The following NTRK3 variants were observed in gnomAD, a reference collection of about 807,000 sequenced individuals.
NTRK3 encodes the protein neurotrophic receptor tyrosine kinase 3, also known as NT-3 growth factor receptor.
Under a neutral mutation model 91.7 loss-of-function variants are expected in NTRK3, and 24 were observed. That is an observed-to-expected ratio of 0.26 (90% CI 0.19 to 0.37). NTRK3 has a LOEUF of 0.37. NTRK3 is among the 10% of genes least tolerant of loss of function. The pLI is 1.00. For synonymous variants in NTRK3, 483 were observed against 404.0 expected, an observed-to-expected ratio of 1.20 and a Z score of -2.34; for missense variants, 880 against 1,068.9, an observed-to-expected ratio of 0.82 and a Z score of 2.46.
chr15:87,943,191 CTT>C (rs2070077364), intron 14 of NTRK3, among the ~76,000 whole-genome samples: 2 of 152,284 alleles, frequency 1.3e-5, no homozygotes, highest in Admixed American at 6.5e-5. Context: ...AGGAACCACA[CTT>C]TGAGAATCAC....
exon 19 of NTRK3, chr15:87,869,232 C>G (rs939944343): frequency 2.2e-5 from 5 of 229,836 alleles, no homozygotes; most frequent in African/African-American, 1.1e-4. Context: ...GGCTCCTCTG[C>G]TCCTGGAGGC....
intron 14 of NTRK3, among the ~76,000 whole-genome samples, chr15:88,003,702 A>T (rs1386840435): frequency 6.6e-6 from 1 of 152,194 alleles, no homozygotes; most frequent in Non-Finnish European, 1.5e-5. Context: ...ACTCATTGCT[A>T]AGCCAATATA....
At chr15:87,950,929 C>T (rs2071047665) in intron 14 of NTRK3, among the ~76,000 whole-genome samples, 1 of 152,182 alleles carries the variant, frequency 6.6e-6, no homozygotes, top group South Asian at 2.1e-4. Flanking sequence ...ACAGTAGGTG[C>T]TCAATAGGCC....
intron 3 of NTRK3, among the ~76,000 whole-genome samples, chr15:88,194,175 A>G (rs923036753): frequency 1.3e-5 from 2 of 151,704 alleles, no homozygotes; most frequent in African/African-American, 4.8e-5. Flanking sequence ...GTTTCTTTCT[A>G]CTCTCTGGAT....
In NTRK3 at chr15:88,230,560, T is replaced by C. The variant is rs2051094601; in HGVS notation, c.248+25346A>G. 2.6e-5 allele frequency among the ~76,000 whole-genome samples: 4 copies of C among 152,320 alleles called. No homozygotes were observed. In the South Asian group the frequency reaches 8.3e-4, roughly 32 times the overall value. On this transcript the variant is annotated intron_variant, in intron 3 of 18. Transcript: ENST00000394480. Reference sequence around the variant, plus strand: ...AGTAAAAAGTTATTTTGAAAAGCCATCAATTTTAATTTTAATCATTTTAAT... The same window carrying C: ...AGTAAAAAGTTATTTTGAAAAGCCACCAATTTTAATTTTAATCATTTTAAT...
intron 17 of NTRK3, chr15:87,908,554 A>G (rs2066906057): frequency 5.0e-6 from 2 of 399,286 alleles, no homozygotes; most frequent in Admixed American, 4.4e-5. Context: ...CCCTTCTGGC[A>G]TGGCCCTTCC....
chr15:88,119,320 T>C (rs2052447018), intron 13 of NTRK3, among the ~76,000 whole-genome samples: 1 of 152,188 alleles, frequency 6.6e-6, no homozygotes, highest in African/African-American at 2.4e-5. Context: ...AGCCTCCCAT[T>C]GAAGTTCAAA....
At chr15:88,170,629 CTCTT>C (rs1342032270) in intron 5 of NTRK3, among the ~76,000 whole-genome samples, 4 of 152,212 alleles carry the variant, frequency 2.6e-5, no homozygotes, top group Admixed American at 6.5e-5. Context: ...CAGGTCTGCA[CTCTT>C]TCTATGTTCC....
At chr15:88,119,263 T>A (rs1323539885) in intron 13 of NTRK3, among the ~76,000 whole-genome samples, 1 of 152,194 alleles carries the variant, frequency 6.6e-6, no homozygotes, top group African/African-American at 2.4e-5. Flanking sequence ...AAGCACCACA[T>A]TCTAGAACTC....
chr15:88,232,834 G>A (rs1479890794), intron 3 of NTRK3, among the ~76,000 whole-genome samples: 2 of 152,098 alleles, frequency 1.3e-5, no homozygotes, highest in South Asian at 4.1e-4. Flanking sequence ...GGAGAAGCTG[G>A]GATCATTCAA....
chr15:88,008,228 T>A (rs1324859939), intron 14 of NTRK3, among the ~76,000 whole-genome samples: 1 of 152,070 alleles, frequency 6.6e-6, no homozygotes, highest in African/African-American at 2.4e-5. Context: ...AGAAGTTCCA[T>A]GTGTTCAATG....
intron 5 of NTRK3, among the ~76,000 whole-genome samples, chr15:88,156,256 A>G (rs1367017174): frequency 5.9e-5 from 9 of 152,154 alleles, no homozygotes; most frequent in Admixed American, 1.3e-4. Flanking sequence ...AGGAAGGAAA[A>G]GAGAGGTGAG....
intron 14 of NTRK3, among the ~76,000 whole-genome samples, chr15:88,013,374 A>G (rs2077016467): frequency 6.6e-6 from 1 of 152,246 alleles, no homozygotes. Context: ...GACCATCGCC[A>G]GTGTTGGTGG....
At chr15:88,097,941 A>G (rs2049790262) in intron 13 of NTRK3, among the ~76,000 whole-genome samples, 1 of 152,240 alleles carries the variant, frequency 6.6e-6, no homozygotes, top group African/African-American at 2.4e-5. Flanking sequence ...TACTTCGGTA[A>G]CAGAGAACCA....
intron 17 of NTRK3, among the ~76,000 whole-genome samples, chr15:87,890,399 T>C (rs2065793176): frequency 6.6e-6 from 1 of 152,184 alleles, no homozygotes; most frequent in Non-Finnish European, 1.5e-5. Flanking sequence ...AAAAGTTCCT[T>C]TCATCAGCTA....
intron 13 of NTRK3, among the ~76,000 whole-genome samples, chr15:88,090,431 G>A (rs1308234004): frequency 6.8e-6 from 1 of 147,102 alleles, no homozygotes; most frequent in Non-Finnish European, 1.5e-5. Flanking sequence ...AGAAAGGACA[G>A]CGTGCCCTAG....
intron 13 of NTRK3, among the ~76,000 whole-genome samples, chr15:88,043,102 C>G (rs113134593): frequency 4.5e-4 from 68 of 152,298 alleles, no homozygotes; most frequent in African/African-American, 1.6e-3. Flanking sequence ...ATGTAGCTGT[C>G]AGGGGCAACC....
exon 19 of NTRK3, chr15:87,860,370 G>A (rs1052650087): frequency 1.8e-5 from 4 of 219,964 alleles, no homozygotes; most frequent in Admixed American, 5.8e-5. Context: ...TGGGGAGAAA[G>A]GAAGGGTGAG....
intron 5 of NTRK3, among the ~76,000 whole-genome samples, chr15:88,163,698 T>TC (rs2044674226): frequency 6.6e-6 from 1 of 152,196 alleles, no homozygotes; most frequent in Non-Finnish European, 1.5e-5. Context: ...GGACCTTCAT[T>TC]CTTTTTGAGA....
Sources: allele counts gnomAD v4.1 joint callset (sites outside exome capture counted in the v4.1 genomes callset), GRCh38; gene constraint gnomAD v4.1.1; transcripts MANE v1.5; gene names NCBI Gene and HGNC (gene_info 2026-07-23, HGNC 2026-07-21).